GALNT2: variants seen among roughly 807,000 people sequenced by gnomAD.
GALNT2 encodes polypeptide N-acetylgalactosaminyltransferase 2.
Under a neutral mutation model 81.4 loss-of-function variants are expected in GALNT2, and 31 were observed. That is an observed-to-expected ratio of 0.38 (90% CI 0.29 to 0.51). GALNT2 has a LOEUF of 0.51. GALNT2 is among the 20% of genes least tolerant of loss of function. GALNT2 has a pLI of 0.87. For synonymous variants in GALNT2, 303 were observed against 287.4 expected, an observed-to-expected ratio of 1.05 and a Z score of -0.55; for missense variants, 629 against 765.7, an observed-to-expected ratio of 0.82 and a Z score of 2.11.
intron 6 of GALNT2, among the ~76,000 whole-genome samples, chr1:230,238,125 T>G (rs1344849190): frequency 3.3e-5 from 5 of 152,222 alleles, no homozygotes; most frequent in Non-Finnish European, 7.3e-5. Context: ...AGAAAATATG[T>G]GCACACTTGC....
chr1:230,061,192 A>ATGTG (rs58105454), intron 1 of GALNT2, among the ~76,000 whole-genome samples: 4,593 of 148,898 alleles, frequency 0.031, 133 homozygotes, highest in African/African-American at 0.074. Flanking sequence ...ATGAGCATAG[A>ATGTG]TGTGTGTGTG....
At chr1:230,183,355 T>G (rs967321982) in intron 2 of GALNT2, among the ~76,000 whole-genome samples, 6 of 152,226 alleles carry the variant, frequency 3.9e-5, no homozygotes, top group Non-Finnish European at 7.3e-5. Context: ...TTTGTACTTT[T>G]ACCTTTCACA....
intron 1 of GALNT2, among the ~76,000 whole-genome samples, chr1:230,106,128 A>C (rs997370455): frequency 6.6e-6 from 1 of 152,216 alleles, no homozygotes; most frequent in African/African-American, 2.4e-5. Context: ...ATGGCCGTGC[A>C]GTGCAGAATT....
At chr1:230,191,710 G>A (rs530341684) in intron 2 of GALNT2, among the ~76,000 whole-genome samples, 10 of 152,292 alleles carry the variant, frequency 6.6e-5, no homozygotes, top group East Asian at 5.8e-4. Flanking sequence ...ACAGCATCTC[G>A]CTATGTTCCC....
chr1:230,169,060 T>C (rs1190412935), intron 1 of GALNT2, among the ~76,000 whole-genome samples: 3 of 152,176 alleles, frequency 2.0e-5, no homozygotes, highest in African/African-American at 7.2e-5. Flanking sequence ...TTGTTTGATG[T>C]TTTTTCTCAT....
At chr1:230,219,126 G>A (rs908515634) in intron 3 of GALNT2, among the ~76,000 whole-genome samples, 36 of 152,184 alleles carry the variant, frequency 2.4e-4, no homozygotes, top group African/African-American at 8.0e-4. Flanking sequence ...GTTGGGGACC[G>A]CTGGCTTAAG....
chr1:230,226,588 G>C (rs1362871594), intron 3 of GALNT2, among the ~76,000 whole-genome samples: 1 of 152,240 alleles, frequency 6.6e-6, no homozygotes, highest in Non-Finnish European at 1.5e-5. Flanking sequence ...AAAGGTCCAC[G>C]TGGCTGCAGG....
At position 230,178,254 on chromosome 1, in the gene GALNT2, G is replaced by A; in HGVS notation, c.163G>A (p.Asp55Asn). ...TGAAATTGACCCCATTAAAAAGAAA[G>A]ACCTTCATCACAGCAATGGAGAAGA... ...WNEIDPIKKKDLHHSNGEEKA... is the reference protein window; with the variant it reads ...WNEIDPIKKKNLHHSNGEEKA... The change falls in exon 2 of 16, where the codon GAC becomes AAC. Residue 55 changes from aspartate to asparagine, a missense_variant. Asp to Asn is a conservative substitution (Grantham distance 23). This residue lies in a region of GALNT2 where 360 missense variants were observed against 492.8 expected (regional missense o/e 0.73). Transcript: ENST00000366672. The A allele has an allele frequency of 3.7e-6, 6 of 1,614,088 alleles. No homozygotes were observed. Among genetic ancestry groups the A allele is most frequent in the Non-Finnish European group, 5.1e-6 (6 of 1,179,966 alleles).
At chr1:230,246,238 G>A in intron 8 of GALNT2, 88 bp downstream of exon 8, 3 of 997,382 alleles carry the variant, frequency 3.0e-6, no homozygotes, top group Non-Finnish European at 4.8e-6. Context: ...AGGAGTGACA[G>A]TGACAACAGT....
intron 10 of GALNT2, among the ~76,000 whole-genome samples, chr1:230,252,104 C>G (rs1430678539): frequency 6.6e-6 from 1 of 152,172 alleles, no homozygotes; most frequent in Non-Finnish European, 1.5e-5. Context: ...GACTTGGACT[C>G]CCAGTGAGGT....
upstream of GALNT2, among the ~76,000 whole-genome samples, chr1:230,066,876 G>C (rs1659196510): frequency 6.6e-6 from 1 of 151,572 alleles, no homozygotes; most frequent in Non-Finnish European, 1.5e-5. Context: ...GGGGCGGCCG[G>C]CGGGGGGAGC....
chr1:230,136,869 A>G (rs1661565117), intron 1 of GALNT2, among the ~76,000 whole-genome samples: 1 of 152,140 alleles, frequency 6.6e-6, no homozygotes, highest in African/African-American at 2.4e-5. Flanking sequence ...CAGACCGAAG[A>G]GCCGGCCGTC....
intron 1 of GALNT2, among the ~76,000 whole-genome samples, chr1:230,176,591 C>T (rs1261271603): frequency 6.6e-6 from 1 of 152,158 alleles, no homozygotes; most frequent in African/African-American, 2.4e-5. Flanking sequence ...AATTTCATTA[C>T]TTGCTGATTT....
In GALNT2 at chr1:230,138,512, G is replaced by A. The variant is rs182034069; in HGVS notation, c.127-39706G>A. Among the ~76,000 whole-genome samples the A allele has an allele frequency of 4.3e-5, 6 of 138,330 alleles. No homozygotes were observed. The East Asian group carries it at 8.6e-4, about 20-fold the overall frequency. The allele number at this position is 138,330 out of a possible 152,430, so 90.7% of individuals were successfully genotyped here. On this transcript the variant is annotated intron_variant, in intron 1 of 15. Transcript: ENST00000366672. ...TGCACCCCAGCCTGGGCGATGCAGC[G>A]AGACTCTGTCTCAAAAAAAAAAAAA...
intron 1 of GALNT2, among the ~76,000 whole-genome samples, chr1:230,167,882 T>C (rs1662662682): frequency 6.6e-6 from 1 of 152,246 alleles, no homozygotes; most frequent in Non-Finnish European, 1.5e-5. Flanking sequence ...TTTTCTTACC[T>C]ATTGGCAATG....
At chr1:230,227,157 A>G (rs1195999997) in intron 3 of GALNT2, among the ~76,000 whole-genome samples, 1 of 152,098 alleles carries the variant, frequency 6.6e-6, no homozygotes, top group Non-Finnish European at 1.5e-5. Flanking sequence ...TAAGTTACCA[A>G]AGTCTCTTAA....
rs1465191667 is a variant in GALNT2 at position 230,262,963 on chromosome 1, A to G, written c.1271A>G (p.Lys424Arg). The G allele has an allele frequency of 6.2e-7, 1 of 1,614,226 alleles. No individual in the cohort carries two copies. The highest frequency in any genetic ancestry group is 1.7e-5 in the Admixed American group (1 of 60,016). The change falls in exon 13 of 16, where the codon AAG (lysine) becomes AGG (arginine). Residue 424 changes from lysine (K) to arginine (R), a missense_variant. By Grantham distance (26) the Lys-to-Arg change is conservative. This residue lies in a region of GALNT2 where 207 missense variants were observed against 225.5 expected (regional missense o/e 0.92). Transcript: ENST00000366672. ...RLELRKKLSC[K>R]PFKWYLENVY... is the part of the protein sequence containing the mutation. ...GAGCTTAGGAAGAAACTCAGCTGCA[A>G]GCCTTTCAAATGGTACCTTGAAAAT...
At chr1:230,112,851 G>A (rs1045002590) in intron 1 of GALNT2, among the ~76,000 whole-genome samples, 5 of 152,248 alleles carry the variant, frequency 3.3e-5, no homozygotes, top group South Asian at 2.1e-4. Flanking sequence ...TGTGAGCCAG[G>A]ACAAAATCTT....
In GALNT2 at chr1:230,090,289, C is replaced by T. The variant is rs553209075; in HGVS notation, c.126+22883C>T. ...ACTTTCTGTGGTTGAAGGACCTTGA[C>T]ATTTGTTGTCAAACTGCCTGTGAGT... On this transcript the variant is annotated intron_variant, in intron 1 of 15. Transcript: ENST00000366672. Among the ~76,000 whole-genome samples the T allele has an allele frequency of 1.1e-3, 163 of 152,322 alleles. 2 individuals are homozygous for T. Among genetic ancestry groups the T allele is most frequent in the African/African-American group, 3.8e-3 (159 of 41,578 alleles).
Sources: allele counts gnomAD v4.1 joint callset (sites outside exome capture counted in the v4.1 genomes callset), GRCh38; gene constraint gnomAD v4.1.1; regional missense constraint gnomAD v4.1.1; transcripts MANE v1.5; gene names NCBI Gene and HGNC (gene_info 2026-07-23, HGNC 2026-07-21).